Variants in KCNK2 observed in about 807,000 individuals in gnomAD.
The protein encoded by KCNK2 is potassium two pore domain channel subfamily K member 2.
In KCNK2, 21 loss-of-function variants were observed where a neutral mutation model predicts 40.5. That is an observed-to-expected ratio of 0.52 (90% CI 0.37 to 0.75). The LOEUF (loss-of-function observed/expected upper bound fraction) is 0.75, where lower values mean the gene tolerates loss of function less well. KCNK2 is among the 30% of genes least tolerant of loss of function. The pLI, the probability that KCNK2 is intolerant of heterozygous loss-of-function variation, is 0.00. For synonymous variants in KCNK2, 191 were observed against 202.2 expected (o/e 0.94, Z 0.47); for missense variants, 399 against 531.6 (o/e 0.75, Z 2.45).
chr1:215,055,152 G>T (rs1658114886), intron 1 of KCNK2, among the ~76,000 whole-genome samples: 1 of 152,136 alleles, frequency 6.6e-6, no homozygotes, highest in African/African-American at 2.4e-5. Context: ...ATGGTACTTT[G>T]TCTCTTAAAA....
At chr1:215,023,291 G>A (rs1656875299) in intron 1 of KCNK2, among the ~76,000 whole-genome samples, 1 of 151,974 alleles carries the variant, frequency 6.6e-6, no homozygotes, top group African/African-American at 2.4e-5. Context: ...TTTGGGCTCA[G>A]GCCAGCCCTC....
chr1:215,172,181 C>T lies in KCNK2; in HGVS notation c.821C>T (p.Ala274Val). 6.2e-7 allele frequency: 1 copy of T among 1,610,254 alleles called. No homozygotes were observed. Among genetic ancestry groups the T allele is most frequent in the Non-Finnish European group, 8.5e-7 (1 of 1,178,274 alleles). Residue 274 changes from alanine (A) to valine (V), a missense_variant and splice_region_variant, in exon 5 of 7, where the codon GCA (alanine) becomes GTA (valine). Transcript: ENST00000444842. ...LTTIGFGDYV[A>V]GGSDIEYLDF... is the part of the protein sequence containing the mutation. ...ACTATTGGATTTGGTGACTACGTTG[C>T]AGGTAAGCTTTTCCTGGCATCCATG...
intron 1 of KCNK2, among the ~76,000 whole-genome samples, chr1:215,070,872 A>G (rs1658733480): frequency 6.6e-6 from 1 of 152,192 alleles, no homozygotes; most frequent in African/African-American, 2.4e-5. Flanking sequence ...TGCAATTACG[A>G]TCAAATGTAT....
chr1:215,115,021 GT>G (rs1474741936), intron 2 of KCNK2, among the ~76,000 whole-genome samples: 2,684 of 151,644 alleles, frequency 0.018, 81 homozygotes, highest in African/African-American at 0.062. Flanking sequence ...GTGTGTGTGT[GT>G]GTGTGTACAA....
chr1:215,228,389 T>C (rs1327988360), intron 6 of KCNK2, among the ~76,000 whole-genome samples: 1 of 152,148 alleles, frequency 6.6e-6, no homozygotes, highest in Non-Finnish European at 1.5e-5. Flanking sequence ...GTGAGGTGGA[T>C]GAGAACAGTT....
intron 3 of KCNK2, among the ~76,000 whole-genome samples, chr1:215,136,520 G>A (rs972636910): frequency 2.0e-5 from 3 of 152,110 alleles, no homozygotes; most frequent in Non-Finnish European, 4.4e-5. Context: ...TATTAGTTAG[G>A]ATATGCTAAG....
chr1:215,209,323 C>A (rs1558139792), intron 6 of KCNK2, among the ~76,000 whole-genome samples: 1 of 88,174 alleles, frequency 1.1e-5, no homozygotes, highest in South Asian at 3.1e-4. Flanking sequence ...GAAATATACA[C>A]ATATTTTTAT....
chr1:215,125,307 T>C (rs1661368760), intron 3 of KCNK2, among the ~76,000 whole-genome samples: 2 of 152,232 alleles, frequency 1.3e-5, no homozygotes, highest in African/African-American at 4.8e-5. Context: ...TATGAAAGTT[T>C]AGACCCCTGA....
intron 2 of KCNK2, among the ~76,000 whole-genome samples, chr1:215,115,955 GT>G (rs35626781): frequency 0.62 from 83,027 of 133,952 alleles, 24,946 homozygotes; most frequent in Non-Finnish European, 0.65. Flanking sequence ...TCTTCATCAT[GT>G]TTTTTTTTTT....
chr1:215,025,669 TCTTA>T (rs1656977951), intron 1 of KCNK2, among the ~76,000 whole-genome samples: 1 of 152,066 alleles, frequency 6.6e-6, no homozygotes, highest in African/African-American at 2.4e-5. Context: ...TTTTCTTGCA[TCTTA>T]CTTTTTTCTG....
Position 215,083,209 on chromosome 1 carries a change from CTCCCGCGT to C in KCNK2, c.-176_-169del. On this transcript the variant is annotated 5_prime_UTR_variant, in exon 1 of 7. Transcript: ENST00000444842. ...CTTCTCACGCTCCCCCCCCCGCCCC[CTCCCGCGT>C]CCAGCCCCGCTCTCCCCACCTTGTA... 1.4e-5 allele frequency: 16 copies of C among 1,165,474 alleles called. No homozygotes were observed. The highest frequency in any genetic ancestry group is 1.8e-5 in the Non-Finnish European group (15 of 831,608). The allele number at this position is 1,165,474 out of a possible 1,614,324, so 72.2% of individuals were successfully genotyped here.
At chr1:215,114,987 T>G (rs1027289723) in intron 2 of KCNK2, among the ~76,000 whole-genome samples, 32 of 105,436 alleles carry the variant, frequency 3.0e-4, no homozygotes, top group African/African-American at 8.3e-4. Flanking sequence ...AACTGGTTAC[T>G]TTGTCAGGTG....
chr1:215,011,887 T>C (rs1463335902), intron 1 of KCNK2, among the ~76,000 whole-genome samples: 1 of 151,354 alleles, frequency 6.6e-6, no homozygotes, highest in Middle Eastern at 3.2e-3. Context: ...TTTACAGGCG[T>C]GAGTCACCGT....
At chr1:215,191,032 C>T (rs1215378047) in intron 5 of KCNK2, among the ~76,000 whole-genome samples, 1 of 150,602 alleles carries the variant, frequency 6.6e-6, no homozygotes, top group Non-Finnish European at 1.5e-5. Flanking sequence ...TGCCTGTAAT[C>T]CTAGTACTTT....
At position 215,124,730 on chromosome 1, in the gene KCNK2, G is replaced by A. The variant is rs1332076268; in HGVS notation, c.455G>A (p.Gly152Asp). 6.2e-7 allele frequency: 1 copy of A among 1,603,588 alleles called. No homozygotes were observed. Reference sequence around the variant, plus strand: ...TTGGGAAGTTCCTTCTTCTTTGCTGGCACTGTTATTACAACCATAGGTAGG... The same window carrying A: ...TTGGGAAGTTCCTTCTTCTTTGCTGACACTGTTATTACAACCATAGGTAGG... ...WDLGSSFFFA[G>D]TVITTIGFGN... Residue 152 changes from glycine (G) to aspartate (D), a missense_variant, in exon 3 of 7, where the codon GGC becomes GAC. Around this residue, in one of 3 missense-constraint regions of KCNK2, gnomAD observed 279 missense variants for 353.8 expected, o/e 0.79. Coordinates refer to ENST00000444842, the MANE Select transcript of KCNK2 (RefSeq NM_001017425.3).
At chr1:215,204,284 A>T (rs889424535) in intron 6 of KCNK2, among the ~76,000 whole-genome samples, 8 of 151,542 alleles carry the variant, frequency 5.3e-5, no homozygotes, top group Non-Finnish European at 7.4e-5. Flanking sequence ...CCTTTTTTTT[A>T]AATTTTAGGT....
intron 6 of KCNK2, among the ~76,000 whole-genome samples, chr1:215,230,501 A>ACACG (rs529812751): frequency 3.4e-4 from 36 of 105,154 alleles, no homozygotes; most frequent in African/African-American, 1.4e-3. Flanking sequence ...ACACACACAC[A>ACACG]CGGCTGTATA....
At chr1:215,033,465 C>T (rs764507643) in intron 1 of KCNK2, among the ~76,000 whole-genome samples, 7 of 151,804 alleles carry the variant, frequency 4.6e-5, no homozygotes, top group Non-Finnish European at 8.8e-5. Context: ...ACATAATGTA[C>T]TGGGTACAAA....
At chr1:215,187,846 AT>A (rs1297386779) in intron 5 of KCNK2, among the ~76,000 whole-genome samples, 11,666 of 149,042 alleles carry the variant, frequency 0.078, 1,548 homozygotes, top group African/African-American at 0.27. Context: ...TGTCTCAAAA[AT>A]TTAAAAAAAA....
Sources: gnomAD v4.1 joint callset for allele counts (sites outside exome capture counted in the v4.1 genomes callset) on GRCh38, gnomAD v4.1.1 for gene constraint, gnomAD v4.1.1 regional missense constraint, MANE v1.5 for transcripts, NCBI Gene and HGNC (gene_info 2026-07-23, HGNC 2026-07-21) for gene names.